Variants in LYPD6B observed in about 807,000 individuals in gnomAD.
The protein encoded by LYPD6B is LY6/PLAUR domain containing 6B.
A neutral mutation model predicts 22.8 loss-of-function variants in LYPD6B; 17 were observed. The observed-to-expected ratio is 0.75, with a 90% confidence interval of 0.51 to 1.12. The LOEUF is 1.12. LYPD6B is among the 50% of genes most tolerant of loss of function. The probability of loss-of-function intolerance (pLI) is 0.00; values close to 1 mark genes in which losing one functional copy is unlikely to be tolerated. For missense variants in LYPD6B, 221 were observed against 258.3 expected (o/e 0.86, Z 0.99); for synonymous variants, 106 against 91.6 (o/e 1.16, Z -0.90).
intron 1 of LYPD6B, among the ~76,000 whole-genome samples, chr2:149,122,164 T>C (rs1687398305): frequency 6.6e-6 from 1 of 152,172 alleles, no homozygotes; most frequent in African/African-American, 2.4e-5. Context: ...CATTTTACCA[T>C]GAAAACTGGG....
At chr2:149,179,243 A>G (rs566753252) in intron 3 of LYPD6B, among the ~76,000 whole-genome samples, 3 of 152,354 alleles carry the variant, frequency 2.0e-5, no homozygotes, top group East Asian at 1.9e-4. Flanking sequence ...TGAGTCTTCA[A>G]CGTGAATTAG....
intron 3 of LYPD6B, among the ~76,000 whole-genome samples, chr2:149,173,988 C>A (rs750202853): frequency 1.3e-5 from 2 of 152,096 alleles, no homozygotes; most frequent in Non-Finnish European, 2.9e-5. Flanking sequence ...TTGGGCAGTA[C>A]GGCCATTTTC....
At chr2:149,211,701 C>T (rs892867088) in intron 5 of LYPD6B, among the ~76,000 whole-genome samples, 1 of 151,892 alleles carries the variant, frequency 6.6e-6, no homozygotes, top group South Asian at 2.1e-4. Flanking sequence ...AAAGGCAGTT[C>T]CATAAGCCCA....
At chr2:149,099,627 C>T (rs1000188) in intron 1 of LYPD6B, among the ~76,000 whole-genome samples, 2 of 151,950 alleles carry the variant, frequency 1.3e-5, no homozygotes, top group Non-Finnish European at 2.9e-5. Context: ...GGTCTGTCTT[C>T]GGCCTCCAAG....
chr2:149,208,576 G>A (rs1454706907), intron 5 of LYPD6B, among the ~76,000 whole-genome samples, 164 bp downstream of exon 5: 3 of 152,160 alleles, frequency 2.0e-5, no homozygotes, highest in Admixed American at 6.5e-5. Flanking sequence ...TCTAACTGAA[G>A]TTGAGTACCT....
chr2:149,095,698 G>C (rs1440191361), intron 1 of LYPD6B, among the ~76,000 whole-genome samples: 1 of 152,026 alleles, frequency 6.6e-6, no homozygotes, highest in Non-Finnish European at 1.5e-5. Context: ...GAGGGTGCAG[G>C]TGTGATGCAA....
intron 3 of LYPD6B, among the ~76,000 whole-genome samples, chr2:149,188,307 G>A (rs766092264): frequency 7.2e-5 from 11 of 152,170 alleles, no homozygotes; most frequent in Non-Finnish European, 1.2e-4. Context: ...TGGAGGCCTT[G>A]TTTTTTCACT....
intron 3 of LYPD6B, among the ~76,000 whole-genome samples, chr2:149,190,717 A>G (rs1386733592): frequency 6.6e-6 from 1 of 151,860 alleles, no homozygotes; most frequent in Non-Finnish European, 1.5e-5. Flanking sequence ...ATGTGTATTA[A>G]TTTTCTTTGC....
chr2:149,062,069 C>T (rs1415511839), intron 1 of LYPD6B, among the ~76,000 whole-genome samples: 1 of 151,746 alleles, frequency 6.6e-6, no homozygotes, highest in African/African-American at 2.4e-5. Flanking sequence ...TCACCACAAA[C>T]TCCGCCTTCC....
chr2:149,064,141 G>A (rs1416899776), intron 1 of LYPD6B, among the ~76,000 whole-genome samples: 1 of 152,152 alleles, frequency 6.6e-6, no homozygotes, highest in Non-Finnish European at 1.5e-5. Context: ...TAGCAGCACA[G>A]ACTTTGACAC....
chr2:149,064,069 A>G lies in LYPD6B; in HGVS notation c.-67+25268A>G, dbSNP rs538453766. On this transcript the variant is annotated intron_variant, in intron 1 of 6. Transcript: ENST00000409642. ...TATTTTTCCATGCCCATATAGACTT[A>G]CAAAATCTGATTATACTGATTGTTT... Among the ~76,000 whole-genome samples the G allele has an allele frequency of 3.3e-5, 5 of 152,366 alleles. No homozygotes were observed. In the South Asian group the frequency reaches 1.0e-3, roughly 32 times the overall value.
chr2:149,103,121 C>G (rs1686292573), intron 1 of LYPD6B, among the ~76,000 whole-genome samples: 1 of 152,174 alleles, frequency 6.6e-6, no homozygotes, highest in Non-Finnish European at 1.5e-5. Flanking sequence ...TGTATCATGA[C>G]AGGCATGACA....
chr2:149,143,458 A>T (rs1013278507), intron 2 of LYPD6B, among the ~76,000 whole-genome samples: 1 of 150,180 alleles, frequency 6.7e-6, no homozygotes, highest in Non-Finnish European at 1.5e-5. Flanking sequence ...CCATGTTTTT[A>T]CTATACCGTT....
chr2:149,058,921 G>T (rs1488277474), intron 1 of LYPD6B, among the ~76,000 whole-genome samples: 1 of 152,326 alleles, frequency 6.6e-6, no homozygotes, highest in Admixed American at 6.5e-5. Context: ...CGCCCAGCCA[G>T]TCCATTTCAC....
At chr2:149,116,392 T>C (rs182943857) in intron 1 of LYPD6B, among the ~76,000 whole-genome samples, 5 of 152,230 alleles carry the variant, frequency 3.3e-5, no homozygotes, top group East Asian at 1.9e-4. Flanking sequence ...ATCACTGAGA[T>C]TGAGGGGTTG....
chr2:149,191,383 G>A (rs1692478466), intron 3 of LYPD6B, among the ~76,000 whole-genome samples: 1 of 151,954 alleles, frequency 6.6e-6, no homozygotes, highest in African/African-American at 2.4e-5. Flanking sequence ...ATAGTATGAG[G>A]TATGTATCCA....
chr2:149,148,055 G>T (rs993146895), intron 2 of LYPD6B, among the ~76,000 whole-genome samples: 14 of 151,960 alleles, frequency 9.2e-5, no homozygotes, highest in African/African-American at 3.4e-4. Context: ...TGACCCATTT[G>T]CCTGTCAATT....
chr2:149,103,799 C>T (rs567661235), intron 1 of LYPD6B, among the ~76,000 whole-genome samples: 2 of 76,478 alleles, frequency 2.6e-5, no homozygotes, highest in African/African-American at 1.2e-4. Flanking sequence ...TTTTTTGAGA[C>T]GGAATCTTTC....
At chr2:149,063,398 C>T (rs1031796098) in intron 1 of LYPD6B, among the ~76,000 whole-genome samples, 3 of 152,098 alleles carry the variant, frequency 2.0e-5, no homozygotes, top group Non-Finnish European at 2.9e-5. Context: ...ACAATTACAT[C>T]GTCAAAGTCT....
Sources: gnomAD v4.1 joint callset for allele counts (sites outside exome capture counted in the v4.1 genomes callset) on GRCh38, gnomAD v4.1.1 for gene constraint, MANE v1.5 for transcripts, NCBI Gene and HGNC (gene_info 2026-07-23, HGNC 2026-07-21) for gene names.